AGBL4: variants seen among roughly 807,000 people sequenced by gnomAD.
AGBL4 encodes cytosolic carboxypeptidase 6.
In AGBL4, 58 loss-of-function variants were observed where a neutral mutation model predicts 66.4. The observed-to-expected ratio is 0.87, with a 90% CI of 0.71 to 1.09. The LOEUF is 1.09. AGBL4 is among the 50% of genes least tolerant of loss of function. The pLI, the probability that AGBL4 is intolerant of heterozygous loss-of-function variation, is 0.00. For missense variants in AGBL4, 579 were observed against 631.0 expected (o/e 0.92, Z 0.88); for synonymous variants, 234 against 222.9 (o/e 1.05, Z -0.44).
chr1:49,107,702 A>T (rs964957517), intron 4 of AGBL4, among the ~76,000 whole-genome samples: 321 of 71,684 alleles, frequency 4.5e-3, no homozygotes, highest in Non-Finnish European at 9.5e-3. Flanking sequence ...TGTGAGAGAG[A>T]GAGAGAGAGA....
chr1:49,231,993 A>G (rs577989352), intron 4 of AGBL4, among the ~76,000 whole-genome samples: 1 of 152,296 alleles, frequency 6.6e-6, no homozygotes, highest in African/African-American at 2.4e-5. Context: ...GGTTAGGTGT[A>G]TTAAATGCAG....
intron 1 of AGBL4, among the ~76,000 whole-genome samples, chr1:49,861,940 C>T (rs1004339144): frequency 7.9e-5 from 12 of 152,166 alleles, no homozygotes; most frequent in African/African-American, 2.7e-4. Context: ...AGCCCAGAAA[C>T]TGAAGACTAA....
chr1:49,599,484 T>A (rs1244937484), intron 3 of AGBL4, among the ~76,000 whole-genome samples: 2 of 151,994 alleles, frequency 1.3e-5, no homozygotes, highest in African/African-American at 4.8e-5. Context: ...TCTTCTATCA[T>A]GTTTATTGAT....
intron 2 of AGBL4, among the ~76,000 whole-genome samples, chr1:49,827,264 G>C (rs1463499976): frequency 6.6e-6 from 1 of 151,888 alleles, no homozygotes; most frequent in African/African-American, 2.4e-5. Context: ...CCAAAAAGTA[G>C]AGTAATAATA....
chr1:49,308,427 G>A (rs1644887104), intron 3 of AGBL4, among the ~76,000 whole-genome samples: 1 of 151,918 alleles, frequency 6.6e-6, no homozygotes, highest in Admixed American at 6.6e-5. Flanking sequence ...GAGAGTTCTG[G>A]GAAGAGGCAA....
At chr1:49,182,168 A>C (rs1000554006) in intron 4 of AGBL4, among the ~76,000 whole-genome samples, 8 of 152,246 alleles carry the variant, frequency 5.3e-5, no homozygotes, top group Non-Finnish European at 1.2e-4. Context: ...AGACCAAGTG[A>C]AGAATGACCA....
In AGBL4 at chr1:48,752,465, C is replaced by G. The variant is rs543781033; in HGVS notation, c.635-89224G>C. ...AGCTACAGACCAGTGAGTTTGAAAT[C>G]AAGTCCAGGCATGGTTGTAAAACAG... is the stretch of plus-strand genomic sequence containing the variant. On this transcript the variant is annotated intron_variant, in intron 6 of 13. Transcript: ENST00000371839. Among the ~76,000 whole-genome samples, 10 of 152,264 alleles carry G rather than the reference C, an allele frequency of 6.6e-5. No homozygotes were observed. The East Asian group carries it at 1.9e-3, about 30-fold the overall frequency.
At chr1:48,552,883 A>T (rs1348990671) in intron 11 of AGBL4, among the ~76,000 whole-genome samples, 1 of 151,856 alleles carries the variant, frequency 6.6e-6, no homozygotes, top group Non-Finnish European at 1.5e-5. Context: ...GCATTAATCT[A>T]GTAAGACGGT....
At chr1:48,547,490 A>G (rs1644183236) in intron 11 of AGBL4, among the ~76,000 whole-genome samples, 1 of 152,028 alleles carries the variant, frequency 6.6e-6, no homozygotes, top group African/African-American at 2.4e-5. Context: ...TGGCATATGA[A>G]AGAATGTGGC....
chr1:49,817,431 T>C (rs940985888), intron 2 of AGBL4, among the ~76,000 whole-genome samples: 2 of 152,214 alleles, frequency 1.3e-5, no homozygotes, highest in Admixed American at 6.5e-5. Flanking sequence ...TTAAGAATTA[T>C]GGGATAAAAT....
intron 11 of AGBL4, among the ~76,000 whole-genome samples, chr1:48,541,674 C>A (rs1436533663): frequency 6.6e-6 from 1 of 152,132 alleles, no homozygotes; most frequent in Non-Finnish European, 1.5e-5. Context: ...GAGGCTGAGG[C>A]AGGAGGCTCG....
chr1:49,388,862 G>A (rs1250739161), intron 3 of AGBL4, among the ~76,000 whole-genome samples: 1 of 152,150 alleles, frequency 6.6e-6, no homozygotes, highest in African/African-American at 2.4e-5. Flanking sequence ...AGAAATCATG[G>A]ATAAGGAGGT....
the AGBL4 span, among the ~76,000 whole-genome samples, chr1:48,523,043 G>A: frequency 6.6e-6 from 1 of 152,132 alleles, no homozygotes; most frequent in Non-Finnish European, 1.5e-5. Flanking sequence ...TGGGTTGAAG[G>A]GGGTGTTCCT....
At chr1:49,183,226 G>A (rs936903848) in intron 4 of AGBL4, among the ~76,000 whole-genome samples, 4 of 152,132 alleles carry the variant, frequency 2.6e-5, no homozygotes, top group African/African-American at 9.7e-5. Flanking sequence ...TTCGAGGAGA[G>A]ACTGTAGTTT....
At chr1:49,922,426 T>C (rs967222569) in intron 1 of AGBL4, among the ~76,000 whole-genome samples, 5 of 152,104 alleles carry the variant, frequency 3.3e-5, no homozygotes, top group Admixed American at 6.6e-5. Context: ...ACCACTCCAA[T>C]TCAACATCGT....
chr1:49,617,871 A>G (rs1645279003), intron 3 of AGBL4, among the ~76,000 whole-genome samples: 1 of 152,126 alleles, frequency 6.6e-6, no homozygotes, highest in Non-Finnish European at 1.5e-5. Flanking sequence ...TTTTCATATT[A>G]CACTTTAAGC....
intron 4 of AGBL4, among the ~76,000 whole-genome samples, chr1:49,050,124 A>T (rs1249152077): frequency 6.6e-6 from 1 of 151,990 alleles, no homozygotes; most frequent in Non-Finnish European, 1.5e-5. Context: ...TGCTTTCAAG[A>T]CCTGGGGACT....
intron 1 of AGBL4, among the ~76,000 whole-genome samples, chr1:49,852,937 T>C (rs1646341476): frequency 6.6e-6 from 1 of 151,010 alleles, no homozygotes; most frequent in Non-Finnish European, 1.5e-5. Context: ...ACAAAGAAAC[T>C]CAAACACACC....
At chr1:49,739,419 C>A (rs1285614662) in intron 2 of AGBL4, among the ~76,000 whole-genome samples, 1 of 152,186 alleles carries the variant, frequency 6.6e-6, no homozygotes, top group Non-Finnish European at 1.5e-5. Flanking sequence ...AAGACCAAAT[C>A]TACGTCTGAT....
Sources: gnomAD v4.1 joint callset for allele counts (sites outside exome capture counted in the v4.1 genomes callset) on GRCh38, gnomAD v4.1.1 for gene constraint, MANE v1.5 for transcripts, NCBI Gene and HGNC (gene_info 2026-07-23, HGNC 2026-07-21) for gene names.